POLH: variants seen among roughly 807,000 people sequenced by gnomAD.
The protein encoded by POLH is DNA polymerase eta transcript.
A neutral mutation model predicts 73.6 loss-of-function variants in POLH; 53 were observed. The ratio of observed to expected loss-of-function variants is 0.72; its 90% CI spans 0.58 to 0.91. The LOEUF (loss-of-function observed/expected upper bound fraction) is 0.91. Ranked by LOEUF, POLH falls within the 40% of genes least tolerant of loss-of-function variation. POLH has a pLI of 0.00. For missense variants in POLH, 768 were observed against 865.4 expected, an observed-to-expected ratio of 0.89 and a Z score of 1.41; for synonymous variants, 292 against 308.5, an observed-to-expected ratio of 0.95 and a Z score of 0.56.
In POLH at chr6:43,583,076, G is replaced by T; in HGVS notation, c.207G>T (p.Lys69Asn). The change falls in exon 3 of 11, where the codon AAG becomes AAT. Residue 69 changes from lysine (K) to asparagine (N), a missense_variant. Coordinates refer to ENST00000372236, the MANE Select transcript of POLH (RefSeq NM_006502.3). Reference sequence around the variant, plus strand: ...GAAGTATGTGGGCAGATGATGCTAAGAAGTTATGTCCAGATCTTCTACTGG... The same window carrying T: ...GAAGTATGTGGGCAGATGATGCTAATAAGTTATGTCCAGATCTTCTACTGG... ...VTRSMWADDA[K>N]KLCPDLLLAQ... 1.2e-6 allele frequency: 2 copies of T among 1,613,718 alleles called. No individual in the cohort carries two copies. Among genetic ancestry groups the T allele is most frequent in the Non-Finnish European group, 1.7e-6 (2 of 1,179,664 alleles).
chr6:43,599,155 A>G (rs1183452229), intron 5 of POLH, among the ~76,000 whole-genome samples: 1 of 151,436 alleles, frequency 6.6e-6, no homozygotes, highest in African/African-American at 2.4e-5. Context: ...TGCCTGGCTA[A>G]TTTTTGTATT....
chr6:43,583,185 A>G (rs1764475028), intron 3 of POLH, 44 bp downstream of exon 3: 1 of 1,555,846 alleles, frequency 6.4e-7, no homozygotes, highest in African/African-American at 1.4e-5. Flanking sequence ...GGAGTCGAAA[A>G]TAATACTCCA....
intron 4 of POLH, among the ~76,000 whole-genome samples, chr6:43,590,449 G>GTT (rs201973144): frequency 1.2e-4 from 17 of 146,124 alleles, no homozygotes; most frequent in African/African-American, 4.3e-4. Context: ...AAGAATGAGG[G>GTT]TTTTTTTTTT....
At chr6:43,599,810 A>G (rs1164956928) in intron 5 of POLH, among the ~76,000 whole-genome samples, 1 of 151,322 alleles carries the variant, frequency 6.6e-6, no homozygotes, top group Non-Finnish European at 1.5e-5. Context: ...AAAATTAAAA[A>G]TTATATTTTT....
Position 43,578,393 on chromosome 6 carries a change from C to A in POLH, c.-5+1953C>A, listed in dbSNP as rs1471299606. The A allele has an allele frequency of 1.6e-5, 7 of 424,778 alleles. No individual in the cohort carries two copies. The Admixed American group carries it at 1.6e-4, about 10-fold the overall frequency. 26.3% of individuals were successfully genotyped at this position (424,778 alleles called of 1,614,324 possible). ...CGAGAACGAAACTCTAACTCAAAAA[C>A]AACAACAACAACAAAAAACTCATGC... On this transcript the variant is annotated intron_variant, in intron 1 of 10. Transcript: ENST00000372236.
intron 10 of POLH, among the ~76,000 whole-genome samples, chr6:43,613,311 C>A (rs1768090295): frequency 6.6e-6 from 1 of 152,044 alleles, no homozygotes; most frequent in African/African-American, 2.4e-5. Context: ...TTTCTTGCCC[C>A]AACCCTGAAT....
chr6:43,605,280 C>G lies in POLH; in HGVS notation c.1035C>G (p.Ala345=). ...TACAATGGTGGCTGTTGCAATTAGC[C>G]CAGGAACTAGAGGAGAGACTGACTA... ...EQVQWWLLQL[A]QELEERLTKD... is the part of the protein sequence containing the mutation. Residue 345 remains alanine (A), a synonymous_variant, in exon 9 of 11, where the codon GCC becomes GCG. Transcript: ENST00000372236. The G allele has an allele frequency of 6.3e-7, 1 of 1,595,994 alleles. No homozygotes were observed. The highest frequency in any genetic ancestry group is 8.6e-7 in the Non-Finnish European group (1 of 1,163,952).
At position 43,593,762 on chromosome 6, in the gene POLH, C is replaced by G. The variant is rs554572688; in HGVS notation, c.491-3934C>G. On this transcript the variant is annotated intron_variant, in intron 4 of 10. Coordinates refer to ENST00000372236, the MANE Select transcript of POLH (RefSeq NM_006502.3). ...GGGTGTGGTGGCGCATGCCTATAAT[C>G]CTAGCTTTTCGGGAGGGTAAGGCAG... Among the ~76,000 whole-genome samples, 16 of 151,778 alleles carry G rather than the reference C, an allele frequency of 1.1e-4. No homozygotes were observed. The South Asian group carries it at 3.3e-3, about 32-fold the overall frequency.
chr6:43,608,731 A>C (rs1401497227), intron 9 of POLH, among the ~76,000 whole-genome samples: 1 of 152,194 alleles, frequency 6.6e-6, no homozygotes, highest in Non-Finnish European at 1.5e-5. Context: ...GATCCCTGAA[A>C]ATCTATCTTT....
intron 3 of POLH, among the ~76,000 whole-genome samples, chr6:43,585,570 T>A (rs925576343): frequency 6.6e-6 from 1 of 151,968 alleles, no homozygotes; most frequent in African/African-American, 2.4e-5. Flanking sequence ...GAAGACCGAA[T>A]ATATATTTCA....
chr6:43,594,376 A>T (rs1051011434), intron 4 of POLH, among the ~76,000 whole-genome samples: 29 of 151,286 alleles, frequency 1.9e-4, no homozygotes, highest in Admixed American at 5.9e-4. Flanking sequence ...ACAGATAATT[A>T]AAAAAAAAGC....
intron 4 of POLH, among the ~76,000 whole-genome samples, chr6:43,593,175 T>C (rs1168611558): frequency 6.6e-6 from 1 of 152,236 alleles, no homozygotes; most frequent in African/African-American, 2.4e-5. Flanking sequence ...TATCTTATAA[T>C]GATCATATAA....
intron 6 of POLH, among the ~76,000 whole-genome samples, chr6:43,603,203 T>C (rs1055477357): frequency 2.6e-5 from 4 of 151,978 alleles, no homozygotes; most frequent in African/African-American, 9.7e-5. Flanking sequence ...CTCGGCTCAC[T>C]GTAACCTCTG....
intron 4 of POLH, chr6:43,588,404 CTTTCTTTCTT>C (rs1340914932): frequency 6.7e-6 from 1 of 149,644 alleles, no homozygotes; most frequent in African/African-American, 2.5e-5. Flanking sequence ...CTTTCTTTCC[CTTTCTTTCTT>C]TCTTTCTTTT....
At chr6:43,608,517 T>G (rs1767539247) in intron 9 of POLH, among the ~76,000 whole-genome samples, 2 of 152,158 alleles carry the variant, frequency 1.3e-5, no homozygotes, top group Admixed American at 1.3e-4. Flanking sequence ...CCTGGGGCCT[T>G]TCTTTCCACT....
chr6:43,599,964 G>A (rs1198012305), intron 5 of POLH, among the ~76,000 whole-genome samples: 1 of 152,038 alleles, frequency 6.6e-6, no homozygotes, highest in East Asian at 1.9e-4. Flanking sequence ...TTCAAGACCA[G>A]CCTGACCAAT....
chr6:43,603,179 TAC>T (rs1369918509), intron 6 of POLH, among the ~76,000 whole-genome samples: 1 of 151,630 alleles, frequency 6.6e-6, no homozygotes, highest in African/African-American at 2.4e-5. Context: ...TTTGCTGGAG[TAC>T]AGTGGCACAA....
intron 6 of POLH, among the ~76,000 whole-genome samples, chr6:43,602,745 G>A (rs894341562): frequency 1.5e-4 from 22 of 149,602 alleles, no homozygotes; most frequent in East Asian, 1.2e-3. Context: ...TTGGCTCACT[G>A]TAGCCTCCAC....
Position 43,582,302 on chromosome 6 carries a change from ATGT to A in POLH, c.-4-10_-4-8del, listed in dbSNP as rs2127773021. The A allele has an allele frequency of 1.2e-6, 2 of 1,613,432 alleles. No homozygotes were observed. The highest frequency in any genetic ancestry group is 8.5e-7 in the Non-Finnish European group (1 of 1,179,326). On this transcript the variant is annotated splice_polypyrimidine_tract_variant and intron_variant, in intron 1 of 10. Transcript: ENST00000372236. ...AGGTGTTTTTCTAACTGTCCATAAA[ATGT>A]TGTGTTACAGAAAAATGGCTACTGG...
Sources: gnomAD v4.1 joint callset for allele counts (sites outside exome capture counted in the v4.1 genomes callset) on GRCh38, gnomAD v4.1.1 for gene constraint, MANE v1.5 for transcripts, NCBI Gene and HGNC (gene_info 2026-07-23, HGNC 2026-07-21) for gene names.